Variants in PPA2 observed in about 807,000 individuals in gnomAD.
The protein encoded by PPA2 is inorganic pyrophosphatase 2, mitochondrial.
PPA2 carries 48 observed loss-of-function variants against 49.5 expected under a neutral mutation model. The ratio of observed to expected loss-of-function variants is 0.97; its 90% confidence interval spans 0.77 to 1.23. The LOEUF (loss-of-function observed/expected upper bound fraction) is 1.23. Among genes scored for constraint, PPA2 ranks in the 50% most tolerant of loss-of-function variants. The pLI is 0.00. For missense variants in PPA2, 429 were observed against 410.1 expected, an observed-to-expected ratio of 1.05 and a Z score of -0.40; for synonymous variants, 131 against 139.9, an observed-to-expected ratio of 0.94 and a Z score of 0.45.
At chr4:105,418,782 C>T (rs1723121846) in intron 7 of PPA2, among the ~76,000 whole-genome samples, 1 of 152,130 alleles carries the variant, frequency 6.6e-6, no homozygotes, top group Non-Finnish European at 1.5e-5. Flanking sequence ...AGCATCTAGG[C>T]CTAAATTAGC....
At chr4:105,402,933 GATGAGATGTAC>G (rs1483265819) in intron 7 of PPA2, among the ~76,000 whole-genome samples, 2 of 152,082 alleles carry the variant, frequency 1.3e-5, no homozygotes, top group African/African-American at 4.8e-5. Context: ...AACCAGTAAA[GATGAGATGTAC>G]ATGAGATGTA....
At chr4:105,414,688 G>A (rs1308651780) in intron 7 of PPA2, among the ~76,000 whole-genome samples, 1 of 152,236 alleles carries the variant, frequency 6.6e-6, no homozygotes, top group African/African-American at 2.4e-5. Context: ...CCCTGAAGGG[G>A]CCCAGCTCTT....
intron 9 of PPA2, among the ~76,000 whole-genome samples, chr4:105,388,484 G>C (rs948644473): frequency 6.6e-6 from 1 of 152,056 alleles, no homozygotes; most frequent in Non-Finnish European, 1.5e-5. Flanking sequence ...AACCAGTAGT[G>C]GATATCTTGG....
intron 8 of PPA2, among the ~76,000 whole-genome samples, chr4:105,397,079 A>C (rs551009921): frequency 1.3e-5 from 2 of 152,338 alleles, no homozygotes; most frequent in South Asian, 4.1e-4. Flanking sequence ...TTATAATTCC[A>C]AAGCAGAAAG....
chr4:105,461,026 C>T (rs73836224), intron 1 of PPA2, among the ~76,000 whole-genome samples: 1,606 of 152,116 alleles, frequency 0.011, 38 homozygotes, highest in African/African-American at 0.035. Context: ...AATATAACTA[C>T]TTCTAGAAAA....
intron 7 of PPA2, chr4:105,399,393 A>C: frequency 2.9e-6 from 1 of 339,496 alleles, no homozygotes. Flanking sequence ...TTTACAAAGC[A>C]TCTTCAGACA....
At chr4:105,435,252 CAT>C (rs893039445) in intron 6 of PPA2, among the ~76,000 whole-genome samples, 17 of 151,788 alleles carry the variant, frequency 1.1e-4, no homozygotes, top group African/African-American at 3.9e-4. Context: ...AGATGGTAGT[CAT>C]ATATTTATTT....
intron 3 of PPA2, among the ~76,000 whole-genome samples, chr4:105,450,601 CTTTTTTTTT>C (rs575896250): frequency 0.023 from 1,910 of 82,710 alleles, 93 homozygotes; most frequent in African/African-American, 0.082. Flanking sequence ...GTCTGGAATT[CTTTTTTTTT>C]TTTTTTTTTT....
chr4:105,412,483 A>T (rs1351396739), intron 7 of PPA2, among the ~76,000 whole-genome samples: 1 of 152,208 alleles, frequency 6.6e-6, no homozygotes, highest in Non-Finnish European at 1.5e-5. Flanking sequence ...AAAATTGACA[A>T]ATGGGATCTA....
chr4:105,378,244 A>T (rs1733337337), intron 10 of PPA2, among the ~76,000 whole-genome samples: 1 of 152,154 alleles, frequency 6.6e-6, no homozygotes, highest in African/African-American at 2.4e-5. Flanking sequence ...ACATCCTAAA[A>T]GTGTGTATTA....
intron 1 of PPA2, among the ~76,000 whole-genome samples, chr4:105,461,476 A>G (rs1318808756): frequency 6.6e-6 from 1 of 152,206 alleles, no homozygotes; most frequent in African/African-American, 2.4e-5. Flanking sequence ...TTCGGTTGGT[A>G]TCAGCATCTG....
intron 1 of PPA2, among the ~76,000 whole-genome samples, chr4:105,468,246 A>G (rs1471124689): frequency 6.6e-6 from 1 of 152,188 alleles, no homozygotes; most frequent in African/African-American, 2.4e-5. Flanking sequence ...CTTTGCCAAC[A>G]CCTGCCCTAG....
chr4:105,411,073 T>G (rs1252286438), intron 7 of PPA2, among the ~76,000 whole-genome samples: 1 of 152,150 alleles, frequency 6.6e-6, no homozygotes, highest in Non-Finnish European at 1.5e-5. Context: ...AATATTAACC[T>G]TAAATGTAAA....
intron 1 of PPA2, among the ~76,000 whole-genome samples, chr4:105,468,972 C>T (rs987072568): frequency 1.3e-5 from 2 of 152,174 alleles, no homozygotes; most frequent in Admixed American, 1.3e-4. Flanking sequence ...GTCCCCTGAA[C>T]ACATATACTT....
chr4:105,431,910 T>A (rs552538933), intron 6 of PPA2, among the ~76,000 whole-genome samples: 1 of 152,284 alleles, frequency 6.6e-6, no homozygotes, highest in African/African-American at 2.4e-5. Flanking sequence ...AAATTAGTGG[T>A]TGCCAGGGGC....
At chr4:105,456,371 C>T (rs184460859) in intron 2 of PPA2, 13 of 431,882 alleles carry the variant, frequency 3.0e-5, no homozygotes, top group Admixed American at 1.9e-4. Flanking sequence ...AAATAATCCA[C>T]AAACGTTAGC....
At chr4:105,434,127 T>C (rs1723944464) in intron 6 of PPA2, among the ~76,000 whole-genome samples, 1 of 152,134 alleles carries the variant, frequency 6.6e-6, no homozygotes, top group African/African-American at 2.4e-5. Flanking sequence ...GCACCCAGAC[T>C]GCTCCATTCT....
At chr4:105,435,188 C>T (rs1445653650) in intron 6 of PPA2, among the ~76,000 whole-genome samples, 1 of 152,178 alleles carries the variant, frequency 6.6e-6, no homozygotes, top group African/African-American at 2.4e-5. Context: ...AACCACTCAT[C>T]TCATAGCCAG....
chr4:105,473,805 C>G (rs1283083453), intron 1 of PPA2, 89 bp downstream of exon 1: 1 of 1,526,258 alleles, frequency 6.6e-7, no homozygotes, highest in Non-Finnish European at 8.9e-7. Flanking sequence ...AGAAGGGAGA[C>G]CGCGCGGGGC....
Sources: allele counts gnomAD v4.1 joint callset (sites outside exome capture counted in the v4.1 genomes callset), GRCh38; gene constraint gnomAD v4.1.1; transcripts MANE v1.5; gene names NCBI Gene and HGNC (gene_info 2026-07-23, HGNC 2026-07-21).